The following ERC2 variants were observed in gnomAD, a reference collection of about 807,000 sequenced individuals.
ERC2 encodes ELKS/RAB6-interacting/CAST family member 2.
A neutral mutation model predicts 114.8 loss-of-function variants in ERC2; 42 were observed. The observed-to-expected ratio is 0.37, with a 90% CI of 0.29 to 0.47. The LOEUF is 0.47. Among genes scored for constraint, ERC2 ranks in the 20% least tolerant of loss-of-function variants. The pLI is 0.99. For missense variants in ERC2, 939 were observed against 1,150.7 expected, an observed-to-expected ratio of 0.82 and a Z score of 2.66; for synonymous variants, 454 against 425.5, an observed-to-expected ratio of 1.07 and a Z score of -0.82.
intron 7 of ERC2, among the ~76,000 whole-genome samples, chr3:56,066,164 C>T (rs1306060598): frequency 3.9e-5 from 6 of 152,208 alleles, no homozygotes; most frequent in African/African-American, 1.4e-4. Context: ...TTCCCATCAA[C>T]ACTGTAAAAG....
rs534417232 is a variant in ERC2, at chr3:55,562,884, C to A, written c.*40-51608G>T. Among the ~76,000 whole-genome samples the A allele has an allele frequency of 2.6e-5, 4 of 152,222 alleles. 1 individual carries two copies. The South Asian group carries it at 8.3e-4, about 32-fold the overall frequency. On this transcript the variant is annotated intron_variant, in intron 17 of 17. Coordinates refer to ENST00000288221, the MANE Select transcript of ERC2 (RefSeq NM_015576.3). ...TGAATGTTGGCAAATTGCCAACTGA[C>A]AGGTGTAAAATTTTATGAACATGCA...
At chr3:55,859,061 T>C (rs184925485) in intron 14 of ERC2, among the ~76,000 whole-genome samples, 4 of 152,278 alleles carry the variant, frequency 2.6e-5, no homozygotes, top group Admixed American at 2.0e-4. Flanking sequence ...GACATGGCCA[T>C]GTACTTCTCC....
chr3:55,711,834 G>C (rs902099257), intron 15 of ERC2, among the ~76,000 whole-genome samples: 1 of 152,148 alleles, frequency 6.6e-6, no homozygotes, highest in African/African-American at 2.4e-5. Context: ...TATCATAGCT[G>C]TTTCTATAAT....
At chr3:56,316,699 G>A (rs527612752) in intron 2 of ERC2, among the ~76,000 whole-genome samples, 1 of 151,924 alleles carries the variant, frequency 6.6e-6, no homozygotes, top group Admixed American at 6.6e-5. Context: ...ATTATGCTGG[G>A]GAAATCTCTT....
chr3:56,367,997 G>A (rs1047351117), intron 2 of ERC2, among the ~76,000 whole-genome samples: 1 of 137,170 alleles, frequency 7.3e-6, no homozygotes, highest in East Asian at 2.1e-4. Flanking sequence ...TTTTCTAAAA[G>A]TCATACCCAA....
At chr3:55,946,301 A>C (rs2067124987) in intron 13 of ERC2, among the ~76,000 whole-genome samples, 1 of 152,152 alleles carries the variant, frequency 6.6e-6, no homozygotes. Flanking sequence ...TTTCACATCC[A>C]CCTTTCACAC....
intron 2 of ERC2, among the ~76,000 whole-genome samples, chr3:56,317,808 C>T (rs1369258710): frequency 2.0e-5 from 3 of 152,196 alleles, no homozygotes; most frequent in Non-Finnish European, 4.4e-5. Context: ...AAAATATTAA[C>T]GTGGCAAGAG....
At chr3:56,072,798 AC>A (rs2076800920) in intron 7 of ERC2, among the ~76,000 whole-genome samples, 3 of 152,196 alleles carry the variant, frequency 2.0e-5, no homozygotes, top group African/African-American at 7.2e-5. Flanking sequence ...AGAAATTTAA[AC>A]TGAGTGTTAT....
At chr3:55,895,475 C>T (rs551530364) in intron 13 of ERC2, among the ~76,000 whole-genome samples, 1 of 152,268 alleles carries the variant, frequency 6.6e-6, no homozygotes, top group African/African-American at 2.4e-5. Context: ...AAGTACCCTG[C>T]CTAATACCCT....
At chr3:56,075,421 T>G (rs2076926926) in intron 7 of ERC2, among the ~76,000 whole-genome samples, 1 of 152,186 alleles carries the variant, frequency 6.6e-6, no homozygotes, top group Admixed American at 6.5e-5. Context: ...CTCTTAGGGC[T>G]GCCCTGGTTC....
intron 2 of ERC2, among the ~76,000 whole-genome samples, chr3:56,331,983 T>G (rs1346256988): frequency 6.6e-6 from 1 of 152,198 alleles, no homozygotes; most frequent in Non-Finnish European, 1.5e-5. Context: ...CTGCTGAAGA[T>G]TCACTGGTGA....
At chr3:56,054,202 CT>C (rs1264087649) in intron 7 of ERC2, among the ~76,000 whole-genome samples, 1 of 152,164 alleles carries the variant, frequency 6.6e-6, no homozygotes, top group African/African-American at 2.4e-5. Flanking sequence ...CGACCCATTG[CT>C]TTTTAGGAAA....
At chr3:56,146,112 C>T (rs1391021487) in intron 5 of ERC2, among the ~76,000 whole-genome samples, 1 of 151,952 alleles carries the variant, frequency 6.6e-6, no homozygotes, top group Non-Finnish European at 1.5e-5. Flanking sequence ...CATGGTGAAA[C>T]CCCATCTCTA....
chr3:56,020,367 A>T (rs2073626637), intron 7 of ERC2, among the ~76,000 whole-genome samples: 1 of 152,030 alleles, frequency 6.6e-6, no homozygotes, highest in South Asian at 2.1e-4. Context: ...GACAGCTTAG[A>T]AACTCAGGTT....
chr3:55,846,098 G>A (rs7644330), intron 14 of ERC2, among the ~76,000 whole-genome samples: 27,180 of 152,174 alleles, frequency 0.18, 3,579 homozygotes, highest in African/African-American at 0.37. Context: ...TCACCCAAGT[G>A]CTAAGCCTAA....
rs367925474 is a variant in ERC2, at chr3:56,032,975, A to G, written c.1642-13944T>C. ...AGAAAGAAACAGAAAGAAAGAAAGA[A>G]AGAGAAAGAAAGAAAGAAAGAAAGA... On this transcript the variant is annotated intron_variant, in intron 7 of 17. Coordinates refer to ENST00000288221, the MANE Select transcript of ERC2 (RefSeq NM_015576.3). 6.7e-3 allele frequency among the ~76,000 whole-genome samples: 476 copies of G among 71,168 alleles called. 8 individuals are homozygous for G. Among genetic ancestry groups the G allele is most frequent in the South Asian group, 0.013 (26 of 1,984 alleles). 46.7% of individuals were successfully genotyped at this position (71,168 alleles called of 152,430 possible). A position where few individuals can be genotyped will look rare whatever the true frequency, so the allele number is the denominator to read the frequency against.
chr3:56,140,224 A>G (rs2080771592), intron 5 of ERC2, among the ~76,000 whole-genome samples: 1 of 152,212 alleles, frequency 6.6e-6, no homozygotes, highest in Non-Finnish European at 1.5e-5. Context: ...CAAAAAATCC[A>G]TAATTCAATT....
intron 3 of ERC2, among the ~76,000 whole-genome samples, chr3:56,234,452 C>G (rs1171033614): frequency 1.3e-5 from 2 of 152,064 alleles, no homozygotes; most frequent in Non-Finnish European, 2.9e-5. Context: ...AACAACATCC[C>G]AAAAATGCAA....
At chr3:56,343,246 C>T (rs1455620859) in intron 2 of ERC2, among the ~76,000 whole-genome samples, 8 of 151,100 alleles carry the variant, frequency 5.3e-5, no homozygotes, top group Middle Eastern at 3.4e-3. Flanking sequence ...CACAAACACA[C>T]ACACACACAC....
Sources: allele counts gnomAD v4.1 joint callset (sites outside exome capture counted in the v4.1 genomes callset), GRCh38; gene constraint gnomAD v4.1.1; transcripts MANE v1.5; gene names NCBI Gene and HGNC (gene_info 2026-07-23, HGNC 2026-07-21).